Variants in KAZN observed in about 807,000 individuals in gnomAD.
KAZN encodes kazrin.
Under a neutral mutation model 87.4 loss-of-function variants are expected in KAZN, and 40 were observed. That is an observed-to-expected ratio of 0.46 (90% CI 0.36 to 0.60). The LOEUF is 0.60. KAZN is among the 20% of genes least tolerant of loss of function. KAZN has a pLI of 0.00. For missense variants in KAZN, 898 were observed against 1,073.9 expected (o/e 0.84, Z 2.29); for synonymous variants, 466 against 458.3 (o/e 1.02, Z -0.22).
At chr1:14,647,666 C>G (rs1218396732) in intron 1 of KAZN, among the ~76,000 whole-genome samples, 2 of 152,076 alleles carry the variant, frequency 1.3e-5, no homozygotes, top group African/African-American at 4.8e-5. Context: ...GGAATCGGGG[C>G]CTGGTATTGG....
intron 1 of KAZN, among the ~76,000 whole-genome samples, chr1:14,795,495 A>G (rs1181597029): frequency 1.3e-5 from 2 of 152,100 alleles, no homozygotes; most frequent in African/African-American, 2.4e-5. Flanking sequence ...GAGGCTTTTT[A>G]TCTTTGATGG....
intron 1 of KAZN, among the ~76,000 whole-genome samples, chr1:14,740,218 T>C (rs534269388): frequency 6.6e-6 from 1 of 152,102 alleles, no homozygotes; most frequent in East Asian, 1.9e-4. Flanking sequence ...GAACCAACCG[T>C]GGTATGACAC....
At chr1:14,255,888 C>T (rs1452487620) in intron 2 of KAZN, among the ~76,000 whole-genome samples, 2 of 152,206 alleles carry the variant, frequency 1.3e-5, no homozygotes, top group African/African-American at 2.4e-5. Context: ...AAAGTGTGCA[C>T]TGCTGTGTTA....
At chr1:14,536,513 G>A (rs900950759) in intron 2 of KAZN, among the ~76,000 whole-genome samples, 3 of 152,198 alleles carry the variant, frequency 2.0e-5, no homozygotes, top group Admixed American at 6.5e-5. Flanking sequence ...TAGGCAGGTT[G>A]AGGAGTGTTA....
At chr1:14,370,992 C>T (rs377634396) in intron 2 of KAZN, among the ~76,000 whole-genome samples, 2 of 152,244 alleles carry the variant, frequency 1.3e-5, no homozygotes, top group South Asian at 4.1e-4. Context: ...GCCCCCAGCT[C>T]GTATCTTCTA....
At chr1:13,929,232 G>A (rs1167094656) in intron 1 of KAZN, among the ~76,000 whole-genome samples, 1 of 151,960 alleles carries the variant, frequency 6.6e-6, no homozygotes, top group Admixed American at 6.6e-5. Context: ...TGATTCTAAG[G>A]TGGAGTTGGG....
intron 1 of KAZN, among the ~76,000 whole-genome samples, chr1:14,155,096 G>C (rs1422167332): frequency 1.3e-5 from 2 of 152,052 alleles, no homozygotes; most frequent in Non-Finnish European, 2.9e-5. Context: ...TTTTCGAATA[G>C]TTGGAGTATG....
At chr1:14,989,406 C>T (rs192171575) in intron 2 of KAZN, among the ~76,000 whole-genome samples, 2 of 152,162 alleles carry the variant, frequency 1.3e-5, no homozygotes, top group African/African-American at 2.4e-5. Context: ...AACCCGGGAG[C>T]TGGAGGTTGC....
intron 2 of KAZN, among the ~76,000 whole-genome samples, chr1:14,578,654 A>G (rs906728460): frequency 1.3e-5 from 2 of 152,178 alleles, no homozygotes; most frequent in African/African-American, 2.4e-5. Context: ...TTAAAAATGC[A>G]TGTTTCTTTG....
chr1:15,109,611 ATGTG>A lies in KAZN; in HGVS notation c.2049-2804_2049-2801del, dbSNP rs61148632. Among the ~76,000 whole-genome samples the A allele has an allele frequency of 3.2e-3, 481 of 151,192 alleles. 3 individuals carry two copies. Among genetic ancestry groups the A allele is most frequent in the African/African-American group, 0.011 (451 of 41,230 alleles). On this transcript the variant is annotated intron_variant, in intron 13 of 14. Coordinates refer to ENST00000376030, the MANE Select transcript of KAZN (RefSeq NM_201628.3). ...TGTATATGTATGGGTATGTATGGGT[ATGTG>A]TGTGTGTGTGTATATATGTGTATGT...
At position 14,676,222 on chromosome 1, in the gene KAZN, G is replaced by A. The variant is rs555100081; in HGVS notation, c.226+76999G>A. On this transcript the variant is annotated intron_variant, in intron 1 of 14. Coordinates refer to ENST00000376030, the MANE Select transcript of KAZN (RefSeq NM_201628.3). ...TCCCTACTGGGATTACCAAGAAGAT[G>A]ATCTTTAATTACACTCCTTCCCCTG... Among the ~76,000 whole-genome samples, 26 of 152,328 alleles carry A rather than the reference G, an allele frequency of 1.7e-4. No individual in the cohort carries two copies. In the East Asian group the frequency reaches 3.5e-3, roughly 20 times the overall value.
chr1:14,558,929 C>T (rs999725455), intron 2 of KAZN, among the ~76,000 whole-genome samples: 1 of 152,172 alleles, frequency 6.6e-6, no homozygotes, highest in Admixed American at 6.5e-5. Flanking sequence ...TCTCTTCTTT[C>T]TTCATTTCAC....
At chr1:14,647,382 T>G (rs1680886419) in intron 1 of KAZN, among the ~76,000 whole-genome samples, 1 of 152,188 alleles carries the variant, frequency 6.6e-6, no homozygotes, top group Non-Finnish European at 1.5e-5. Flanking sequence ...TGTGGAGTAG[T>G]TCATATCTTT....
chr1:14,471,780 T>C (rs1668469121), intron 2 of KAZN, among the ~76,000 whole-genome samples: 1 of 152,198 alleles, frequency 6.6e-6, no homozygotes, highest in Non-Finnish European at 1.5e-5. Context: ...GTCAGAGCAT[T>C]CTGTTTGCCC....
At chr1:14,740,034 G>T (rs1334969177) in intron 1 of KAZN, among the ~76,000 whole-genome samples, 1 of 152,120 alleles carries the variant, frequency 6.6e-6, no homozygotes, top group Non-Finnish European at 1.5e-5. Context: ...TTTCTAGGAG[G>T]CACCTGGATA....
At chr1:14,129,564 GGCTGTGCTGCGTCTTTGCAGA>G (rs1272585589) in intron 1 of KAZN, among the ~76,000 whole-genome samples, 1 of 152,220 alleles carries the variant, frequency 6.6e-6, no homozygotes, top group East Asian at 1.9e-4. Flanking sequence ...CCATCTGTGG[GGCTGTGCTGCGTCTTTGCAGA>G]GCTCAGATGA....
At chr1:13,906,817 G>A (rs1191671963) in intron 1 of KAZN, among the ~76,000 whole-genome samples, 2 of 152,188 alleles carry the variant, frequency 1.3e-5, no homozygotes, top group Non-Finnish European at 2.9e-5. Context: ...ATGCTATGCT[G>A]CAGATGCCAC....
chr1:14,778,495 G>A (rs1186246369), intron 1 of KAZN, among the ~76,000 whole-genome samples: 1 of 152,094 alleles, frequency 6.6e-6, no homozygotes, highest in Non-Finnish European at 1.5e-5. Context: ...AACTCAGCTT[G>A]TTACATTTCT....
In KAZN at chr1:14,184,408, C is replaced by T. The variant is rs112854999; in HGVS notation, c.249+3816C>T. Among the ~76,000 whole-genome samples, 535 of 152,246 alleles carry T rather than the reference C, an allele frequency of 3.5e-3. 3 individuals are homozygous for T. The highest frequency in any genetic ancestry group is 0.012 in the African/African-American group (501 of 41,542). ...ATTTTTCACTTCCTTCTCTTCCTTC[C>T]CTTTCCTGTTCTTTCCTTGTCTGTC... On this transcript the variant is annotated intron_variant, in intron 2 of 16. Coordinates refer to the KAZN transcript ENST00000636203. The surrounding 1 kb of genome is among the most constrained non-coding windows in gnomAD (Gnocchi z 4.2).
Sources: gnomAD v4.1 joint callset for allele counts (sites outside exome capture counted in the v4.1 genomes callset) on GRCh38, gnomAD v4.1.1 for gene constraint, Gnocchi (gnomAD v3.1) non-coding constraint, MANE v1.5 for transcripts, NCBI Gene and HGNC (gene_info 2026-07-23, HGNC 2026-07-21) for gene names.